GULP1: variants seen among roughly 807,000 people sequenced by gnomAD.
The protein encoded by GULP1 is GULP PTB domain containing engulfment adaptor 1.
Under a neutral mutation model 40.9 loss-of-function variants are expected in GULP1, and 19 were observed. The observed-to-expected ratio is 0.46, with a 90% CI of 0.32 to 0.68. The LOEUF is 0.68. Among genes scored for constraint, GULP1 ranks in the 30% least tolerant of loss-of-function variants. The pLI, the probability that GULP1 is intolerant of heterozygous loss-of-function variation, is 0.03. For synonymous variants in GULP1, 119 were observed against 117.6 expected, an observed-to-expected ratio of 1.01 and a Z score of -0.08; for missense variants, 312 against 362.2, an observed-to-expected ratio of 0.86 and a Z score of 1.12.
chr2:188,520,534 A>AG (rs1354358493), intron 4 of GULP1, among the ~76,000 whole-genome samples: 1 of 151,872 alleles, frequency 6.6e-6, no homozygotes, highest in Non-Finnish European at 1.5e-5. Flanking sequence ...ATCTAAAAAA[A>AG]AAAAAAAAAA....
intron 1 of GULP1, among the ~76,000 whole-genome samples, chr2:188,328,207 C>T (rs1179703972): frequency 2.0e-5 from 3 of 152,082 alleles, no homozygotes; most frequent in Non-Finnish European, 4.4e-5. Context: ...GGTTATATTT[C>T]TAGGGTTAAG....
chr2:188,528,906 A>G (rs975903773), intron 5 of GULP1, among the ~76,000 whole-genome samples, 191 bp from the exon 6 acceptor site: 1 of 152,196 alleles, frequency 6.6e-6, no homozygotes, highest in Non-Finnish European at 1.5e-5. Context: ...CTGAAAATCA[A>G]TGTGAATTAT....
chr2:188,298,543 G>A (rs896511169), intron 1 of GULP1, among the ~76,000 whole-genome samples: 1 of 152,064 alleles, frequency 6.6e-6, no homozygotes, highest in South Asian at 2.1e-4. Flanking sequence ...AATGGCTATT[G>A]CTTTAAATTT....
intron 1 of GULP1, among the ~76,000 whole-genome samples, chr2:188,324,068 A>C (rs1316243351): frequency 6.6e-6 from 1 of 152,080 alleles, no homozygotes; most frequent in Non-Finnish European, 1.5e-5. Context: ...TAGCATAGCA[A>C]AATTTAGTGC....
intron 4 of GULP1, among the ~76,000 whole-genome samples, chr2:188,522,324 A>T (rs572162495): frequency 1.1e-4 from 16 of 152,230 alleles, no homozygotes; most frequent in African/African-American, 3.8e-4. Context: ...GACGTGAGAA[A>T]AAAAAGAAAT....
At chr2:188,468,366 A>G (rs932861534) in intron 2 of GULP1, among the ~76,000 whole-genome samples, 2 of 152,174 alleles carry the variant, frequency 1.3e-5, no homozygotes, top group Admixed American at 1.3e-4. Flanking sequence ...AAAATTATTA[A>G]AGATTATTTT....
At chr2:188,534,373 T>C (rs1273906888) in intron 6 of GULP1, among the ~76,000 whole-genome samples, 1 of 152,110 alleles carries the variant, frequency 6.6e-6, no homozygotes, top group Non-Finnish European at 1.5e-5. Flanking sequence ...TTATCCTAAA[T>C]GATTTAATGC....
chr2:188,451,922 A>C (rs1033479036), intron 2 of GULP1, among the ~76,000 whole-genome samples: 1 of 152,204 alleles, frequency 6.6e-6, no homozygotes, highest in African/African-American at 2.4e-5. Flanking sequence ...TCAATTAGTG[A>C]TAGTAAATAT....
In GULP1 at chr2:188,584,301, A is replaced by G. The variant is rs377675952; in HGVS notation, c.646A>G (p.Ile216Val). 5 of 1,609,240 alleles carry G rather than the reference A, an allele frequency of 3.1e-6. No homozygotes were observed. The highest frequency in any genetic ancestry group is 1.7e-5 in the Admixed American group (1 of 59,978). The stretch of plus-strand genomic sequence containing the variant: ...GACACCTAAGTCGCCCTCCACTGAC[A>G]TCTTTGATATGATTCCATTTTCTCC... ...SMTPKSPSTD[I>V]FDMIPFSPIS... The change falls in exon 10 of 12, where the codon ATC becomes GTC. Residue 216 changes from isoleucine to valine, a missense_variant. Transcript: ENST00000409830.
chr2:188,369,941 T>A (rs527593434), intron 1 of GULP1, among the ~76,000 whole-genome samples: 26 of 152,246 alleles, frequency 1.7e-4, no homozygotes, highest in African/African-American at 6.3e-4. Flanking sequence ...CTCCCCAGAC[T>A]CAAGCAGTCC....
intron 6 of GULP1, among the ~76,000 whole-genome samples, chr2:188,535,756 C>T (rs1172845760): frequency 2.6e-5 from 4 of 151,950 alleles, no homozygotes; most frequent in African/African-American, 9.7e-5. Context: ...TTTTAAGTTC[C>T]TTGGGAAATC....
chr2:188,364,990 G>A (rs2046598744), intron 1 of GULP1, among the ~76,000 whole-genome samples: 1 of 151,526 alleles, frequency 6.6e-6, no homozygotes, highest in Admixed American at 6.6e-5. Context: ...ATCCACCACT[G>A]GAGTGGTTGG....
chr2:188,399,527 C>A (rs1269438664), intron 2 of GULP1, among the ~76,000 whole-genome samples: 1 of 151,570 alleles, frequency 6.6e-6, no homozygotes, highest in African/African-American at 2.4e-5. Context: ...CAATAGATAC[C>A]TCCTAAAACT....
intron 8 of GULP1, chr2:188,569,681 T>A: frequency 2.7e-6 from 1 of 365,172 alleles, no homozygotes; most frequent in Non-Finnish European, 5.0e-6. Flanking sequence ...TCCTTGGTAA[T>A]TAAATTATGC....
At chr2:188,356,669 C>G (rs1023564364) in intron 1 of GULP1, among the ~76,000 whole-genome samples, 12 of 152,042 alleles carry the variant, frequency 7.9e-5, no homozygotes, top group Non-Finnish European at 7.4e-5. Context: ...ACATTCATCA[C>G]AGAAATAGAA....
At chr2:188,449,681 T>C (rs1432947829) in intron 2 of GULP1, among the ~76,000 whole-genome samples, 1 of 152,204 alleles carries the variant, frequency 6.6e-6, no homozygotes, top group African/African-American at 2.4e-5. Flanking sequence ...TTTCTGCTAA[T>C]GGGAAAGATT....
At chr2:188,580,598 G>A (rs576014396) in intron 9 of GULP1, among the ~76,000 whole-genome samples, 1 of 151,446 alleles carries the variant, frequency 6.6e-6, no homozygotes, top group African/African-American at 2.4e-5. Flanking sequence ...AAAAAATTAT[G>A]TATTTATATA....
chr2:188,588,957 G>T, intron 11 of GULP1: 1 of 152,024 alleles, frequency 6.6e-6, no homozygotes, highest in East Asian at 1.9e-4. Flanking sequence ...GTAATAACAT[G>T]CCTGAATTTA....
At chr2:188,478,207 T>C (rs1251808542) in intron 3 of GULP1, among the ~76,000 whole-genome samples, 1 of 152,112 alleles carries the variant, frequency 6.6e-6, no homozygotes, top group Admixed American at 6.6e-5. Flanking sequence ...AAGTTTGTTA[T>C]TAATTTTTAG....
Sources: allele counts gnomAD v4.1 joint callset (sites outside exome capture counted in the v4.1 genomes callset), GRCh38; gene constraint gnomAD v4.1.1; transcripts MANE v1.5; gene names NCBI Gene and HGNC (gene_info 2026-07-23, HGNC 2026-07-21).